The following PDZD2 variants were observed in gnomAD, a reference collection of about 807,000 sequenced individuals.
PDZD2 encodes the protein PDZ domain containing 2, also known as PDZ domain-containing protein 2.
In PDZD2, 90 loss-of-function variants were observed where a neutral mutation model predicts 220.7. The observed-to-expected ratio is 0.41, with a 90% confidence interval of 0.34 to 0.49. The LOEUF is 0.49. Among genes scored for constraint, PDZD2 ranks in the 20% least tolerant of loss-of-function variants. PDZD2 has a pLI of 0.28. For synonymous variants in PDZD2, 1,375 were observed against 1,450.5 expected, an observed-to-expected ratio of 0.95 and a Z score of 1.18; for missense variants, 3,174 against 3,608.5, an observed-to-expected ratio of 0.88 and a Z score of 3.08.
At chr5:31,704,135 C>G (rs1215099791) in intron 1 of PDZD2, among the ~76,000 whole-genome samples, 2 of 152,072 alleles carry the variant, frequency 1.3e-5, no homozygotes, top group Admixed American at 1.3e-4. Context: ...TCCTTAGCCT[C>G]CTTGGTAGCT....
chr5:31,728,995 C>T (rs1476415912), intron 1 of PDZD2, among the ~76,000 whole-genome samples: 1 of 151,976 alleles, frequency 6.6e-6, no homozygotes, highest in Non-Finnish European at 1.5e-5. Flanking sequence ...GCTGGGATTA[C>T]AGGCTGAGCC....
chr5:32,030,680 A>G (rs1325005143), intron 6 of PDZD2, among the ~76,000 whole-genome samples: 1 of 152,208 alleles, frequency 6.6e-6, no homozygotes, highest in South Asian at 2.1e-4. Context: ...GATGAAATCA[A>G]TGACTCTTCT....
chr5:31,731,582 T>TG (rs1171143810), intron 1 of PDZD2, among the ~76,000 whole-genome samples: 1 of 152,224 alleles, frequency 6.6e-6, no homozygotes, highest in Non-Finnish European at 1.5e-5. Context: ...ACCTTCTGTG[T>TG]ATTATTCCAC....
At chr5:32,076,614 T>C (rs1006024811) in intron 18 of PDZD2, among the ~76,000 whole-genome samples, 1 of 152,202 alleles carries the variant, frequency 6.6e-6, no homozygotes, top group Non-Finnish European at 1.5e-5. Context: ...ATTTACTACT[T>C]GATTTAAATT....
At chr5:32,020,186 G>A (rs913032702) in intron 6 of PDZD2, among the ~76,000 whole-genome samples, 1 of 151,426 alleles carries the variant, frequency 6.6e-6, no homozygotes, top group Admixed American at 6.6e-5. Flanking sequence ...TGTATTTTTA[G>A]TGGAGACAAG....
At chr5:31,864,308 C>CAGG (rs776061049) in intron 2 of PDZD2, among the ~76,000 whole-genome samples, 18 of 152,158 alleles carry the variant, frequency 1.2e-4, no homozygotes, top group Non-Finnish European at 1.9e-4. Flanking sequence ...TTGCTAGCCC[C>CAGG]AGGGTGCTGC....
At chr5:31,839,060 C>T (rs1580861327) in intron 2 of PDZD2, among the ~76,000 whole-genome samples, 2 of 152,202 alleles carry the variant, frequency 1.3e-5, no homozygotes, top group South Asian at 2.1e-4. Flanking sequence ...GCCTGTTCTG[C>T]GTACAGGTTG....
intron 1 of PDZD2, among the ~76,000 whole-genome samples, chr5:31,760,740 G>C (rs1751583849): frequency 6.6e-6 from 1 of 152,156 alleles, no homozygotes; most frequent in Admixed American, 6.5e-5. Flanking sequence ...TAGCCAACAT[G>C]GTGAAACCCC....
At position 31,983,489 on chromosome 5, in the gene PDZD2, G is replaced by C; in HGVS notation, c.811G>C (p.Asp271His). 1 of 1,614,166 alleles carries C rather than the reference G, an allele frequency of 6.2e-7. No homozygotes were observed. The highest frequency in any genetic ancestry group is 8.5e-7 in the Non-Finnish European group (1 of 1,180,018). The change falls in exon 3 of 25, where the codon GAT becomes CAT. Residue 271 changes from aspartate (D) to histidine (H), a missense_variant. Physicochemically the swap from Asp to His is moderately conservative, Grantham distance 81 (BLOSUM62 -1). Around this residue, in one of 4 missense-constraint regions of PDZD2, gnomAD observed 632 missense variants for 708.1 expected, o/e 0.89. Transcript: ENST00000438447. ...GHVFQLENGP[D>H]SLKEVAGPHL... ...TGTCTTTCAGCTAGAAAATGGCCCAGATTCTCTCAAGGAGGTGGCTGGACC... is the reference window on the plus strand; with the variant it reads ...TGTCTTTCAGCTAGAAAATGGCCCACATTCTCTCAAGGAGGTGGCTGGACC...
intron 2 of PDZD2, among the ~76,000 whole-genome samples, chr5:31,847,100 T>C (rs1284008526): frequency 6.6e-6 from 1 of 152,178 alleles, no homozygotes; most frequent in Non-Finnish European, 1.5e-5. Flanking sequence ...GATCTAAAAG[T>C]AGTTGACATT....
At chr5:31,727,798 G>A (rs1052212186) in intron 1 of PDZD2, among the ~76,000 whole-genome samples, 5 of 151,572 alleles carry the variant, frequency 3.3e-5, no homozygotes, top group East Asian at 3.9e-4. Context: ...GTCAGGAGAT[G>A]CGAGACCGTC....
intron 2 of PDZD2, among the ~76,000 whole-genome samples, chr5:31,977,930 C>T (rs1020153687): frequency 1.2e-4 from 19 of 152,160 alleles, no homozygotes; most frequent in Non-Finnish European, 2.6e-4. Flanking sequence ...GCTGAAATCA[C>T]ACCACTGCAC....
rs1752287103 is a variant in PDZD2, at chr5:32,002,746, AACACACACACCCCACACAC to A, written c.1254+2476_1254+2494del. On this transcript the variant is annotated intron_variant, in intron 5 of 24. Coordinates refer to ENST00000438447, the MANE Select transcript of PDZD2 (RefSeq NM_178140.4). ...CACCAACACACACACCCCACACACCAACACACACACCCCACACACCACACACACCAACACACAACCACAC... is the reference window on the plus strand; with the variant it reads ...CACCAACACACACACCCCACACACCACACACACACCAACACACAACCACAC... Among the ~76,000 whole-genome samples, 64 of 39,244 alleles carry A rather than the reference AACACACACACCCCACACAC, an allele frequency of 1.6e-3. 2 individuals carry two copies. The South Asian group carries it at 0.034, about 21-fold the overall frequency. The allele number at this position is 39,244 out of a possible 152,430, so 25.7% of individuals were successfully genotyped here. A position where few individuals can be genotyped will look rare whatever the true frequency, so the allele number is the denominator to read the frequency against.
At chr5:32,064,829 G>A (rs1740064373) in intron 14 of PDZD2, among the ~76,000 whole-genome samples, 1 of 150,682 alleles carries the variant, frequency 6.6e-6, no homozygotes, top group Non-Finnish European at 1.5e-5. Context: ...TTAGCCGGGT[G>A]TGCTGGCGGC....
intron 1 of PDZD2, among the ~76,000 whole-genome samples, chr5:31,728,713 GTTGTT>G (rs1230102352): frequency 6.6e-6 from 1 of 152,210 alleles, no homozygotes; most frequent in African/African-American, 2.4e-5. Flanking sequence ...GACTAAGAGA[GTTGTT>G]GGGAGGATTG....
chr5:31,906,575 G>T (rs963521496), intron 2 of PDZD2, among the ~76,000 whole-genome samples: 1 of 152,068 alleles, frequency 6.6e-6, no homozygotes, highest in Non-Finnish European at 1.5e-5. Context: ...GGGTGCAGTG[G>T]CTCACCCCTG....
In PDZD2 at chr5:32,109,368, C is replaced by G. The variant is rs988077338; in HGVS notation, c.*1233C>G. ...TCCTTTTGCCAAAAATGTTTTCCTACAGAAGACTGTCGTGACTCACGCTAC... is the reference window on the plus strand; with the variant it reads ...TCCTTTTGCCAAAAATGTTTTCCTAGAGAAGACTGTCGTGACTCACGCTAC... On this transcript the variant is annotated 3_prime_UTR_variant, in exon 25 of 25. Transcript: ENST00000438447. The G allele has an allele frequency of 6.6e-6, 1 of 152,202 alleles. No individual in the cohort carries two copies. The highest frequency in any genetic ancestry group is 2.4e-5 in the African/African-American group (1 of 41,432). The allele number at this position is 152,202 out of a possible 1,614,324, so 9.4% of individuals were successfully genotyped here.
chr5:31,798,165 G>T (rs1012661144), intron 1 of PDZD2, among the ~76,000 whole-genome samples: 4 of 152,184 alleles, frequency 2.6e-5, no homozygotes, highest in African/African-American at 9.7e-5. Context: ...TTAAAAGCAA[G>T]GCAAAGAAGG....
chr5:31,770,599 C>T (rs1457294851), intron 1 of PDZD2, among the ~76,000 whole-genome samples: 1 of 152,024 alleles, frequency 6.6e-6, no homozygotes, highest in Non-Finnish European at 1.5e-5. Flanking sequence ...GTTCTAATTC[C>T]GTTGGTCTTT....
Sources: gnomAD v4.1 joint callset for allele counts (sites outside exome capture counted in the v4.1 genomes callset) on GRCh38, gnomAD v4.1.1 for gene constraint, gnomAD v4.1.1 regional missense constraint, MANE v1.5 for transcripts, NCBI Gene and HGNC (gene_info 2026-07-23, HGNC 2026-07-21) for gene names.